Variants in SEMA5A observed in about 807,000 individuals in gnomAD.
SEMA5A encodes semaphorin-5A.
Under a neutral mutation model 135.5 loss-of-function variants are expected in SEMA5A, and 55 were observed. The observed-to-expected ratio is 0.41, with a 90% CI of 0.33 to 0.51. The LOEUF is 0.51. SEMA5A is among the 20% of genes least tolerant of loss of function. The pLI is 0.37. For synonymous variants in SEMA5A, 580 were observed against 546.5 expected (o/e 1.06, Z -0.85); for missense variants, 1,290 against 1,419.9 (o/e 0.91, Z 1.47).
chr5:9,428,561 C>G (rs1223272820), intron 2 of SEMA5A, among the ~76,000 whole-genome samples: 1 of 152,102 alleles, frequency 6.6e-6, no homozygotes, highest in Admixed American at 6.5e-5. Flanking sequence ...CATAGATAAC[C>G]ATTAATAAGA....
At chr5:9,143,139 G>A (rs1742155835) in intron 12 of SEMA5A, among the ~76,000 whole-genome samples, 1 of 152,194 alleles carries the variant, frequency 6.6e-6, no homozygotes, top group Non-Finnish European at 1.5e-5. Context: ...GCTGTTTGGA[G>A]AGTTATATCG....
chr5:9,492,298 T>A (rs917451465), intron 1 of SEMA5A, among the ~76,000 whole-genome samples: 2 of 152,202 alleles, frequency 1.3e-5, no homozygotes, highest in Non-Finnish European at 2.9e-5. Flanking sequence ...TTATTGCACC[T>A]TTTTCCAGAA....
At chr5:9,537,833 A>T (rs567499938) in intron 1 of SEMA5A, among the ~76,000 whole-genome samples, 45 of 152,362 alleles carry the variant, frequency 3.0e-4, no homozygotes, top group African/African-American at 9.9e-4. Flanking sequence ...CTGGATAAAA[A>T]AATACTCTAT....
chr5:9,544,800 G>T (rs1738290770), intron 1 of SEMA5A, among the ~76,000 whole-genome samples: 1 of 152,250 alleles, frequency 6.6e-6, no homozygotes, highest in African/African-American at 2.4e-5. Context: ...CTCCAAGCCA[G>T]GCACCGGCCG....
In SEMA5A at chr5:9,442,576, A is replaced by T. The variant is rs559405557; in HGVS notation, c.-174-4724T>A. On this transcript the variant is annotated intron_variant, in intron 1 of 22. Coordinates refer to ENST00000382496, the MANE Select transcript of SEMA5A (RefSeq NM_003966.3). Reference sequence around the variant, plus strand: ...TAAATCATTGATCCTGAGGGTGCCCATGAGCCACATGGCAAACAGGGTCAG... The same window carrying T: ...TAAATCATTGATCCTGAGGGTGCCCTTGAGCCACATGGCAAACAGGGTCAG... 9.2e-4 allele frequency among the ~76,000 whole-genome samples: 140 copies of T among 152,288 alleles called. 1 individual carries two copies. The highest frequency in any genetic ancestry group is 3.3e-3 in the African/African-American group (136 of 41,554).
intron 3 of SEMA5A, among the ~76,000 whole-genome samples, chr5:9,370,225 G>A (rs1755078310): frequency 6.6e-6 from 1 of 152,186 alleles, no homozygotes; most frequent in Non-Finnish European, 1.5e-5. Context: ...CACCTTCTGA[G>A]AGCTGCCATG....
chr5:9,484,218 T>C (rs1399591090), intron 1 of SEMA5A, among the ~76,000 whole-genome samples: 1 of 152,264 alleles, frequency 6.6e-6, no homozygotes, highest in African/African-American at 2.4e-5. Flanking sequence ...AAGTACGTGC[T>C]CTGTGTTCCT....
At chr5:9,248,339 T>A (rs577826724) in intron 5 of SEMA5A, among the ~76,000 whole-genome samples, 3 of 152,130 alleles carry the variant, frequency 2.0e-5, no homozygotes, top group Non-Finnish European at 4.4e-5. Context: ...GTTATGTGAT[T>A]AGCCAGGGTT....
At chr5:9,264,792 A>G (rs1303006424) in intron 5 of SEMA5A, among the ~76,000 whole-genome samples, 1 of 151,864 alleles carries the variant, frequency 6.6e-6, no homozygotes, top group African/African-American at 2.4e-5. Flanking sequence ...GGACAAAAAT[A>G]TATCTTTCCA....
intron 11 of SEMA5A, among the ~76,000 whole-genome samples, chr5:9,176,747 T>C (rs963805642): frequency 3.9e-5 from 6 of 152,146 alleles, no homozygotes; most frequent in Non-Finnish European, 7.3e-5. Context: ...GGTTGGCCCC[T>C]GACCCAAGGA....
At chr5:9,155,033 A>G (rs1742876913) in intron 11 of SEMA5A, among the ~76,000 whole-genome samples, 1 of 152,212 alleles carries the variant, frequency 6.6e-6, no homozygotes, top group African/African-American at 2.4e-5. Context: ...ATCAGGAAAG[A>G]AAGACCCTCA....
intron 1 of SEMA5A, among the ~76,000 whole-genome samples, chr5:9,453,554 A>G (rs1758723627): frequency 6.6e-6 from 1 of 152,322 alleles, no homozygotes. Context: ...TCAGGCATCA[A>G]TTATAGTGCT....
chr5:9,401,957 T>C (rs761061027), intron 2 of SEMA5A, among the ~76,000 whole-genome samples: 4 of 152,202 alleles, frequency 2.6e-5, no homozygotes, highest in Non-Finnish European at 5.9e-5. Context: ...TATGTGTTGC[T>C]ACACACTTGT....
chr5:9,510,596 A>G lies in SEMA5A; in HGVS notation c.-175+34988T>C, dbSNP rs370028034. On this transcript the variant is annotated intron_variant, in intron 1 of 22. Transcript: ENST00000382496. ...TAGCAAACTTTTTAAGGAACTATAT[A>G]AGTTCCTTTAAGGAACTATTTGTCA... Among the ~76,000 whole-genome samples the G allele has an allele frequency of 7.2e-5, 11 of 152,176 alleles. No individual in the cohort carries two copies. The South Asian group carries it at 2.3e-3, about 32-fold the overall frequency.
chr5:9,537,103 AT>A (rs1229928773), intron 1 of SEMA5A, among the ~76,000 whole-genome samples: 2 of 152,240 alleles, frequency 1.3e-5, no homozygotes, highest in Non-Finnish European at 2.9e-5. Context: ...ATTAAAAAAA[AT>A]GGTCTAATAC....
At chr5:9,148,810 C>T (rs899212186) in intron 12 of SEMA5A, among the ~76,000 whole-genome samples, 2 of 151,390 alleles carry the variant, frequency 1.3e-5, no homozygotes, top group Non-Finnish European at 3.0e-5. Context: ...ACCTCTGCCT[C>T]CCGGGTTCAA....
At chr5:9,338,957 G>T (rs771149219) in intron 3 of SEMA5A, among the ~76,000 whole-genome samples, 2 of 152,132 alleles carry the variant, frequency 1.3e-5, no homozygotes, top group East Asian at 3.9e-4. Flanking sequence ...CAGTTACGAG[G>T]GGGAAGTGAT....
chr5:9,527,216 G>A (rs1737183559), intron 1 of SEMA5A, among the ~76,000 whole-genome samples: 1 of 152,190 alleles, frequency 6.6e-6, no homozygotes, highest in Non-Finnish European at 1.5e-5. Context: ...AGACCTAGGA[G>A]ACCCCTCAGA....
At chr5:9,417,812 C>A (rs552351180) in intron 2 of SEMA5A, among the ~76,000 whole-genome samples, 1 of 152,136 alleles carries the variant, frequency 6.6e-6, no homozygotes, top group Non-Finnish European at 1.5e-5. Context: ...GTGGCTTGAA[C>A]AAGAGAAATG....
Sources: gnomAD v4.1 joint callset for allele counts (sites outside exome capture counted in the v4.1 genomes callset) on GRCh38, gnomAD v4.1.1 for gene constraint, MANE v1.5 for transcripts, NCBI Gene and HGNC (gene_info 2026-07-23, HGNC 2026-07-21) for gene names.